The following PCDHGA5 variants were observed in gnomAD, a reference collection of about 807,000 sequenced individuals.
The protein encoded by PCDHGA5 is protocadherin gamma subfamily A, 5.
PCDHGA5 carries 36 observed loss-of-function variants against 56.7 expected under a neutral mutation model. That is an observed-to-expected ratio of 0.64 (90% confidence interval 0.49 to 0.84). PCDHGA5 has a LOEUF of 0.84. PCDHGA5 is among the 40% of genes least tolerant of loss of function. The pLI is 0.00. For missense variants in PCDHGA5, 1,305 were observed against 1,201.5 expected (o/e 1.09, Z -1.27); for synonymous variants, 563 against 520.2 (o/e 1.08, Z -1.12).
chr5:141,484,024 A>G (rs769415978), intron 1 of PCDHGA5, among the ~76,000 whole-genome samples: 14 of 150,914 alleles, frequency 9.3e-5, no homozygotes, highest in Non-Finnish European at 1.6e-4. Flanking sequence ...GTGGGGTGAG[A>G]TCAAGTCTCC....
intron 1 of PCDHGA5, chr5:141,389,039 AG>A: frequency 6.2e-7 from 1 of 1,613,988 alleles, no homozygotes; most frequent in Non-Finnish European, 8.5e-7. Context: ...GTAAATTGGA[AG>A]GTGATGTTCC....
chr5:141,408,729 C>T (rs767933076), intron 1 of PCDHGA5: 9 of 1,610,240 alleles, frequency 5.6e-6, no homozygotes, highest in Non-Finnish European at 7.6e-6. Flanking sequence ...AACTCTAATC[C>T]TTATTTTTCA....
At chr5:141,408,765 G>A (rs1276364659) in intron 1 of PCDHGA5, 1 of 1,611,036 alleles carries the variant, frequency 6.2e-7, no homozygotes, top group East Asian at 2.2e-5. Context: ...AATTCCGATG[G>A]TGGCAAATAC....
In PCDHGA5 at chr5:141,414,653, A is replaced by G. The variant is rs2095771118; in HGVS notation, c.2421+47902A>G. ...AGCAAAGAGAATGCCCAGATTATTT[A>G]CTCCCTGGCTGAAGACACCATCCAG... On this transcript the variant is annotated intron_variant, in intron 1 of 3. Coordinates refer to ENST00000518069, the MANE Select transcript of PCDHGA5 (RefSeq NM_018918.3). 6.2e-7 allele frequency: 1 copy of G among 1,613,644 alleles called. No homozygotes were observed.
rs752624619 is a variant in PCDHGA5 at position 141,366,040 on chromosome 5, C to A, written c.1710C>A (p.Asp570Glu). 6.2e-7 allele frequency: 1 copy of A among 1,614,146 alleles called. No individual in the cohort carries two copies. Among genetic ancestry groups the A allele is most frequent in the African/African-American group, 1.3e-5 (1 of 74,956 alleles). Reference protein sequence around the residue: ...PEILYPALPTDGSTGVELAPR... With the variant: ...PEILYPALPTEGSTGVELAPR... ...TCCTGTACCCCGCCCTCCCCACAGACGGTTCCACGGGCGTGGAGCTGGCGC... is the reference window on the plus strand; with the variant it reads ...TCCTGTACCCCGCCCTCCCCACAGAAGGTTCCACGGGCGTGGAGCTGGCGC... Residue 570 changes from aspartate (D) to glutamate (E), a missense_variant, in exon 1 of 4, where the codon GAC becomes GAA. Coordinates refer to ENST00000518069, the MANE Select transcript of PCDHGA5 (RefSeq NM_018918.3).
Position 141,364,794 on chromosome 5 carries a change from C to T in PCDHGA5, c.464C>T (p.Pro155Leu), listed in dbSNP as rs1763540796. The T allele has an allele frequency of 6.2e-7, 1 of 1,613,872 alleles. No individual in the cohort carries two copies. Among genetic ancestry groups the T allele is most frequent in the Non-Finnish European group, 8.5e-7 (1 of 1,179,904 alleles). ...GCTGCAGGGACACGGTTAGTGCTTC[C>T]CTTCGCGCGGGATGCGGATGTGGGT... is the stretch of plus-strand genomic sequence containing the variant. ...NAAAGTRLVL[P>L]FARDADVGVN... The change falls in exon 1 of 4, where the codon CCC becomes CTC. Residue 155 changes from proline (P) to leucine (L), a missense_variant. Coordinates refer to ENST00000518069, the MANE Select transcript of PCDHGA5 (RefSeq NM_018918.3).
intron 1 of PCDHGA5, chr5:141,413,712 T>A (rs1405825615): frequency 9.9e-6 from 16 of 1,613,454 alleles, no homozygotes; most frequent in Middle Eastern, 3.3e-4. Context: ...TCAGCCCCAA[T>A]AAGCACTTCT....
chr5:141,418,433 C>A (rs761824602), intron 1 of PCDHGA5: 6 of 1,613,820 alleles, frequency 3.7e-6, no homozygotes, highest in South Asian at 3.3e-5. Flanking sequence ...TGGCAAATAT[C>A]CAGAATTAGT....
chr5:141,376,736 G>T (rs1158010904), intron 1 of PCDHGA5: 1 of 522,720 alleles, frequency 1.9e-6, no homozygotes, highest in Non-Finnish European at 3.2e-6. Flanking sequence ...CCGGACTGCG[G>T]ACTGCAGTGG....
intron 1 of PCDHGA5, chr5:141,375,374 C>T: frequency 2.5e-6 from 4 of 1,613,952 alleles, no homozygotes; most frequent in Non-Finnish European, 3.4e-6. Flanking sequence ...AGGAACACCA[C>T]CTCTGTCTAC....
At chr5:141,467,097 G>A (rs912875702) in intron 1 of PCDHGA5, among the ~76,000 whole-genome samples, 1 of 150,152 alleles carries the variant, frequency 6.7e-6, no homozygotes, top group Non-Finnish European at 1.5e-5. Context: ...CTGTCACACA[G>A]GCTGGAGTAC....
chr5:141,388,541 T>C, intron 1 of PCDHGA5: 1 of 1,613,800 alleles, frequency 6.2e-7, no homozygotes, highest in Non-Finnish European at 8.5e-7. Flanking sequence ...ACTTTGGAGC[T>C]CCACCCCTAA....
At chr5:141,393,367 G>A (rs1302436646) in intron 1 of PCDHGA5, 2 of 1,613,962 alleles carry the variant, frequency 1.2e-6, no homozygotes, top group East Asian at 2.2e-5. Flanking sequence ...GTGCAGACTG[G>A]AGACAATGGA....
At chr5:141,372,589 GCTTCA>G in intron 1 of PCDHGA5, 1 of 1,614,030 alleles carries the variant, frequency 6.2e-7, no homozygotes, top group Non-Finnish European at 8.5e-7. Context: ...CCTGGTGTCT[GCTTCA>G]AGACTGTACC....
rs770093591 is a variant in PCDHGA5 at position 141,486,147 on chromosome 5, G to T, written c.2422-8660G>T. ...GAATTTGATGTGCGGGCTCGCGATG[G>T]GGGTTCTCCAGCCATGGAGCAACAT... On this transcript the variant is annotated intron_variant, in intron 1 of 3. Transcript: ENST00000518069. This position sits in a 1 kb window ranked among gnomAD's most constrained non-coding sequence, Gnocchi z 5.0. The T allele has an allele frequency of 6.2e-7, 1 of 1,614,168 alleles. No individual in the cohort carries two copies. The highest frequency in any genetic ancestry group is 1.7e-5 in the Admixed American group (1 of 60,028).
At position 141,486,004 on chromosome 5, in the gene PCDHGA5, C is replaced by T; in HGVS notation, c.2422-8803C>T. The T allele has an allele frequency of 6.2e-7, 1 of 1,614,184 alleles. No homozygotes were observed. The highest frequency in any genetic ancestry group is 8.5e-7 in the Non-Finnish European group (1 of 1,180,008). The stretch of plus-strand genomic sequence containing the variant: ...CGGACCTGGGTCCCAGTGGTAACGT[C>T]ACCTTTTATTTCAGTGGTCATACCC... On this transcript the variant is annotated intron_variant, in intron 1 of 3. Coordinates refer to ENST00000518069, the MANE Select transcript of PCDHGA5 (RefSeq NM_018918.3). This position sits in a 1 kb window ranked among gnomAD's most constrained non-coding sequence, Gnocchi z 5.0.
rs768704302 is a variant in PCDHGA5 at position 141,383,259 on chromosome 5, C to A, written c.2421+16508C>A. On this transcript the variant is annotated intron_variant, in intron 1 of 3. Coordinates refer to ENST00000518069, the MANE Select transcript of PCDHGA5 (RefSeq NM_018918.3). ...ATAAAATGAATCTTTACCCTATAGA[C>A]GTGGAAATAATAGATATTAATGACA... The A allele has an allele frequency of 5.6e-6, 9 of 1,613,810 alleles. No individual in the cohort carries two copies. In the South Asian group the frequency reaches 6.6e-5, roughly 12 times the overall value.
In PCDHGA5 at chr5:141,490,540, C is replaced by T; in HGVS notation, c.2422-4267C>T. The T allele has an allele frequency of 6.2e-7, 1 of 1,614,148 alleles. No homozygotes were observed. Among genetic ancestry groups the T allele is most frequent in the Non-Finnish European group, 8.5e-7 (1 of 1,180,024 alleles). ...GGCCAGCGATGCTGGTTCACCTTCC[C>T]TACACAAACATCTCACCATCAGGCT... On this transcript the variant is annotated intron_variant, in intron 1 of 3. Coordinates refer to ENST00000518069, the MANE Select transcript of PCDHGA5 (RefSeq NM_018918.3). This position sits in a 1 kb window ranked among gnomAD's most constrained non-coding sequence, Gnocchi z 5.4.
At position 141,486,348 on chromosome 5, in the gene PCDHGA5, A is replaced by G. The variant is rs754981437; in HGVS notation, c.2422-8459A>G. ...GATGTGAGCCTCCGCATTCCTGACC[A>G]CTTGCCATTTGCCCTCAAGTCTGCC... is the stretch of plus-strand genomic sequence containing the variant. On this transcript the variant is annotated intron_variant, in intron 1 of 3. Transcript: ENST00000518069. The surrounding 1 kb of genome is among the most constrained non-coding windows in gnomAD (Gnocchi z 5.0). 1.9e-6 allele frequency: 3 copies of G among 1,613,900 alleles called. No individual in the cohort carries two copies. The highest frequency in any genetic ancestry group is 2.5e-6 in the Non-Finnish European group (3 of 1,179,996).
Sources: gnomAD v4.1 joint callset for allele counts (sites outside exome capture counted in the v4.1 genomes callset) on GRCh38, gnomAD v4.1.1 for gene constraint, Gnocchi (gnomAD v3.1) non-coding constraint, MANE v1.5 for transcripts, NCBI Gene and HGNC (gene_info 2026-07-23, HGNC 2026-07-21) for gene names.